Variants in MAF observed in about 807,000 individuals in gnomAD.
The protein encoded by MAF is MAF bZIP transcription factor.
In MAF, 10 loss-of-function variants were observed where a neutral mutation model predicts 22.0. The ratio of observed to expected loss-of-function variants is 0.45; its 90% CI spans 0.28 to 0.77. The LOEUF (loss-of-function observed/expected upper bound fraction) is 0.77, where lower values mean the gene tolerates loss of function less well. MAF is among the 30% of genes least tolerant of loss of function. MAF has a pLI of 0.12. For missense variants in MAF, 544 were observed against 548.4 expected (o/e 0.99, Z 0.08); for synonymous variants, 337 against 255.8 (o/e 1.32, Z -3.03).
the MAF span, among the ~76,000 whole-genome samples, chr16:79,364,766 G>T: frequency 6.6e-6 from 1 of 152,226 alleles, no homozygotes; most frequent in Admixed American, 6.5e-5. Context: ...TCCTATGCCT[G>T]TGGGATCTTC....
chr16:79,286,490 G>A, the MAF span, among the ~76,000 whole-genome samples: 4 of 152,198 alleles, frequency 2.6e-5, no homozygotes, highest in African/African-American at 4.8e-5. Context: ...GCAGTATGCT[G>A]TTTCTCATCT....
At chr16:79,244,183 C>A in the MAF span, among the ~76,000 whole-genome samples, 1 of 151,998 alleles carries the variant, frequency 6.6e-6, no homozygotes, top group Non-Finnish European at 1.5e-5. Flanking sequence ...TCTCATTGCT[C>A]CTATTCAACA....
chr16:79,304,833 C>T, the MAF span, among the ~76,000 whole-genome samples: 8 of 152,256 alleles, frequency 5.3e-5, no homozygotes, highest in South Asian at 2.1e-4. Flanking sequence ...ATGTGAGTTG[C>T]GTGTTTGTGT....
chr16:79,576,662 A>G, the MAF span, among the ~76,000 whole-genome samples: 4 of 152,204 alleles, frequency 2.6e-5, no homozygotes, highest in Non-Finnish European at 5.9e-5. Context: ...TCATAACGGC[A>G]AAGTGATTCT....
At chr16:79,417,011 A>G in the MAF span, among the ~76,000 whole-genome samples, 3 of 152,184 alleles carry the variant, frequency 2.0e-5, no homozygotes, top group African/African-American at 7.2e-5. Flanking sequence ...CCAGGCAAAC[A>G]TGTTGTTTCC....
chr16:79,469,593 T>C, the MAF span, among the ~76,000 whole-genome samples: 1 of 152,138 alleles, frequency 6.6e-6, no homozygotes, highest in Non-Finnish European at 1.5e-5. Context: ...TATTTATTTA[T>C]TTTTAATTTT....
At chr16:79,213,908 C>G in the MAF span, among the ~76,000 whole-genome samples, 1 of 152,134 alleles carries the variant, frequency 6.6e-6, no homozygotes, top group Non-Finnish European at 1.5e-5. Flanking sequence ...CCCTACTTCT[C>G]TTATAATTTG....
At position 79,599,285 on chromosome 16, in the gene MAF, C is replaced by T. The variant is rs981356795; in HGVS notation, c.618G>A (p.Ala206=). 17 of 979,146 alleles carry T rather than the reference C, an allele frequency of 1.7e-5. No individual in the cohort carries two copies. In the Admixed American group the frequency reaches 1.9e-4, roughly 11 times the overall value. 60.7% of individuals were successfully genotyped at this position (979,146 alleles called of 1,614,324 possible). Residue 206 remains alanine (A), a synonymous_variant, in exon 1 of 2, where the codon GCG becomes GCA. Transcript: ENST00000326043. ...TAGAPGAAGS[A]AASAGGAGGA... ...CCCCAGCGCCACCGGCCGAGGCGGCCGCGCTGCCCGCGGCGCCGGGCGCGC... is the reference window on the plus strand; with the variant it reads ...CCCCAGCGCCACCGGCCGAGGCGGCTGCGCTGCCCGCGGCGCCGGGCGCGC...
At chr16:79,472,518 C>G in the MAF span, among the ~76,000 whole-genome samples, 1 of 152,038 alleles carries the variant, frequency 6.6e-6, no homozygotes, top group Non-Finnish European at 1.5e-5. Context: ...AAGCCAGGTA[C>G]AAAGAGCAAT....
At chr16:79,230,545 G>A in the MAF span, among the ~76,000 whole-genome samples, 2 of 152,130 alleles carry the variant, frequency 1.3e-5, no homozygotes, top group South Asian at 2.1e-4. Flanking sequence ...AGGAATAAAC[G>A]TGGGTCGAAT....
downstream of MAF, among the ~76,000 whole-genome samples, chr16:79,583,621 C>A (rs1210401301): frequency 6.6e-6 from 1 of 152,232 alleles, no homozygotes; most frequent in African/African-American, 2.4e-5. Flanking sequence ...TCTGATCGGT[C>A]TTTCAGCGCA....
chr16:79,480,899 A>C, the MAF span, among the ~76,000 whole-genome samples: 2 of 152,196 alleles, frequency 1.3e-5, no homozygotes, highest in Admixed American at 1.3e-4. Context: ...TGCAAGCCAG[A>C]GATGTGGATG....
the MAF span, among the ~76,000 whole-genome samples, chr16:79,430,045 G>C: frequency 6.6e-6 from 1 of 152,086 alleles, no homozygotes; most frequent in African/African-American, 2.4e-5. Context: ...CCTTGCTCTG[G>C]TTCCAGGCCA....
chr16:79,533,740 C>A, the MAF span, among the ~76,000 whole-genome samples: 1 of 152,140 alleles, frequency 6.6e-6, no homozygotes, highest in Non-Finnish European at 1.5e-5. Flanking sequence ...CTCTCCGCCA[C>A]CTCCCAGTGA....
the MAF span, among the ~76,000 whole-genome samples, chr16:79,406,173 T>TCCCTACACGCCTGCAACTGCTTC: frequency 2.6e-5 from 4 of 152,170 alleles, no homozygotes; most frequent in Admixed American, 6.5e-5. Flanking sequence ...CCTGCTGCTT[T>TCCCTACACGCCTGCAACTGCTTC]CCCTACACGC....
the MAF span, among the ~76,000 whole-genome samples, chr16:79,425,945 G>T: frequency 6.6e-6 from 1 of 152,200 alleles, no homozygotes; most frequent in Non-Finnish European, 1.5e-5. Context: ...GGTGGCTCAC[G>T]CCTGTAATCC....
chr16:79,399,598 A>G, the MAF span, among the ~76,000 whole-genome samples: 14 of 152,154 alleles, frequency 9.2e-5, no homozygotes, highest in Non-Finnish European at 2.1e-4. Flanking sequence ...CTTGTCACTG[A>G]TACGCCCCAG....
chr16:79,540,626 C>G, the MAF span, among the ~76,000 whole-genome samples: 7 of 152,194 alleles, frequency 4.6e-5, no homozygotes, highest in Non-Finnish European at 4.4e-5. Flanking sequence ...GACCACTTTG[C>G]TGGGTGTCTG....
the MAF span, among the ~76,000 whole-genome samples, chr16:79,363,487 T>C: frequency 1.6e-4 from 24 of 152,280 alleles, 1 homozygote; most frequent in South Asian, 4.3e-3. Context: ...TCTAATGTAA[T>C]TTATTGAATA....
Sources: allele counts gnomAD v4.1 joint callset (sites outside exome capture counted in the v4.1 genomes callset), GRCh38; gene constraint gnomAD v4.1.1; transcripts MANE v1.5; gene names NCBI Gene and HGNC (gene_info 2026-07-23, HGNC 2026-07-21).